The following TTC32 variants were observed in gnomAD, a reference collection of about 807,000 sequenced individuals.
TTC32 encodes the protein tetratricopeptide repeat domain 32, also known as tetratricopeptide repeat protein 32.
Under a neutral mutation model 15.3 loss-of-function variants are expected in TTC32, and 16 were observed. The ratio of observed to expected loss-of-function variants is 1.05; its 90% CI spans 0.71 to 1.59. TTC32 has a LOEUF of 1.59. Among genes scored for constraint, TTC32 ranks in the 40% most tolerant of loss-of-function variants. The pLI is 0.00. For missense variants in TTC32, 188 were observed against 181.9 expected (o/e 1.03, Z -0.19); for synonymous variants, 89 against 67.8 (o/e 1.31, Z -1.53).
chr2:19,901,712 G>C lies in TTC32; in HGVS notation c.143C>G (p.Pro48Arg). The change falls in exon 1 of 3, where the codon CCC becomes CGC. Residue 48 changes from proline to arginine, a missense_variant. Pro to Arg is a moderately radical substitution (Grantham distance 103). Coordinates refer to ENST00000333610, the MANE Select transcript of TTC32 (RefSeq NM_001008237.3). Reference sequence around the variant, plus strand: ...CAGGTCTCGCGATAGTTACCTCCCGGGACTCTCGTCGCTGGAGGCCGCGCA... The same window carrying C: ...CAGGTCTCGCGATAGTTACCTCCCGCGACTCTCGTCGCTGGAGGCCGCGCA... ...CACAASSDES[P>R]GSKCSPEDLA... 6.2e-7 allele frequency: 1 copy of C among 1,611,950 alleles called. No individual in the cohort carries two copies. Among genetic ancestry groups the C allele is most frequent in the Non-Finnish European group, 8.5e-7 (1 of 1,178,406 alleles).
intron 1 of TTC32, among the ~76,000 whole-genome samples, chr2:19,900,540 G>A (rs2103367799): frequency 6.6e-6 from 1 of 152,304 alleles, no homozygotes; most frequent in South Asian, 2.1e-4. Context: ...TCAAAAAGCT[G>A]TTCAACCAAC....
intron 1 of TTC32, among the ~76,000 whole-genome samples, chr2:19,899,698 T>G (rs1041783913): frequency 6.7e-6 from 1 of 150,366 alleles, no homozygotes; most frequent in Non-Finnish European, 1.5e-5. Flanking sequence ...ATATAAAGTG[T>G]GTGTATATAT....
At chr2:19,897,847 C>A (rs1220896133) in intron 2 of TTC32, 22 bp downstream of exon 2, 2 of 1,465,210 alleles carry the variant, frequency 1.4e-6, no homozygotes, top group Middle Eastern at 1.9e-4. Flanking sequence ...TGACAAAACT[C>A]AAAAAGAAAA....
Position 19,901,924 on chromosome 2 carries a change from A to T in TTC32, c.-70T>A. On this transcript the variant is annotated 5_prime_UTR_variant, in exon 1 of 3. Coordinates refer to ENST00000333610, the MANE Select transcript of TTC32 (RefSeq NM_001008237.3). ...CGAGCGGTTAGAGGTGGCACCACAA[A>T]GCCACTTCCACACCCTGGAATCTAC... The T allele has an allele frequency of 6.3e-7, 1 of 1,581,202 alleles. No homozygotes were observed. Among genetic ancestry groups the T allele is most frequent in the Non-Finnish European group, 8.6e-7 (1 of 1,157,210 alleles).
At chr2:19,899,402 TTGTTA>T (rs1669564571) in intron 1 of TTC32, among the ~76,000 whole-genome samples, 1 of 152,162 alleles carries the variant, frequency 6.6e-6, no homozygotes, top group South Asian at 2.1e-4. Context: ...TTCAAAATTA[TTGTTA>T]TAAGTTTTTA....
intron 1 of TTC32, among the ~76,000 whole-genome samples, chr2:19,900,783 A>G (rs568459518): frequency 2.0e-5 from 3 of 152,374 alleles, no homozygotes; most frequent in Admixed American, 2.0e-4. Flanking sequence ...TTGCCATGAT[A>G]TTGAATCTGA....
chr2:19,901,582 C>CT, intron 1 of TTC32, 124 bp downstream of exon 1: 1 of 1,306,796 alleles, frequency 7.7e-7, no homozygotes, highest in South Asian at 1.5e-5. Flanking sequence ...TCCGCCCGCT[C>CT]AGTCCTAGTG....
At chr2:19,899,000 A>C (rs1227965253) in intron 1 of TTC32, among the ~76,000 whole-genome samples, 1 of 152,262 alleles carries the variant, frequency 6.6e-6, no homozygotes, top group African/African-American at 2.4e-5. Flanking sequence ...TAAAAAGTAT[A>C]GTCCTCCGAA....
Position 19,901,698 on chromosome 2 carries a change from A to G in TTC32, c.149+8T>C. The G allele has an allele frequency of 1.2e-6, 2 of 1,607,812 alleles. No homozygotes were observed. Among genetic ancestry groups the G allele is most frequent in the Non-Finnish European group, 1.7e-6 (2 of 1,175,424 alleles). ...GGTCGCCGCGGCCCCAGGTCTCGCGATAGTTACCTCCCGGGACTCTCGTCG... is the reference window on the plus strand; with the variant it reads ...GGTCGCCGCGGCCCCAGGTCTCGCGGTAGTTACCTCCCGGGACTCTCGTCG... On this transcript the variant is annotated splice_region_variant and intron_variant, in intron 1 of 2. Transcript: ENST00000333610.
intron 1 of TTC32, 176 bp downstream of exon 1, chr2:19,901,530 C>G (rs1669603638): frequency 1.2e-6 from 1 of 815,778 alleles, no homozygotes. Context: ...CTCCGCCGCC[C>G]TCGTCCTAGG....
intron 1 of TTC32, chr2:19,898,283 G>A (rs1248518071): frequency 2.9e-6 from 1 of 346,484 alleles, no homozygotes; most frequent in Non-Finnish European, 5.2e-6. Context: ...TTTACAGTGT[G>A]TTCACTGCCA....
intron 1 of TTC32, 107 bp from the exon 2 acceptor site, chr2:19,898,142 G>T: frequency 1.0e-6 from 1 of 995,764 alleles, no homozygotes; most frequent in Non-Finnish European, 1.4e-6. Context: ...ATAACATGCA[G>T]CATCAACACT....
At chr2:19,901,682 G>A (rs765161341) in intron 1 of TTC32, 24 bp downstream of exon 1, 1 of 1,601,392 alleles carries the variant, frequency 6.2e-7, no homozygotes, top group African/African-American at 1.3e-5. Context: ...GGGTCGCCGC[G>A]GCCCCAGGTC....
At position 19,901,772 on chromosome 2, in the gene TTC32, T is replaced by G. The variant is rs774444750; in HGVS notation, c.83A>C (p.Glu28Ala). The change falls in exon 1 of 3, where the codon GAG (glutamate) becomes GCG (alanine). Residue 28 changes from glutamate to alanine, a missense_variant. Glu to Ala is a moderately radical substitution (Grantham distance 107). Coordinates refer to ENST00000333610, the MANE Select transcript of TTC32 (RefSeq NM_001008237.3). The part of the protein sequence containing the change: ...HFNNGEYAEA[E>A]ALYSAYIRRC... Reference sequence around the variant, plus strand: ...GCGAATGTAAGCGGAGTACAGTGCCTCGGCCTCCGCGTACTCTCCATTGTT... The same window carrying G: ...GCGAATGTAAGCGGAGTACAGTGCCGCGGCCTCCGCGTACTCTCCATTGTT... The G allele has an allele frequency of 6.2e-7, 1 of 1,614,190 alleles. No individual in the cohort carries two copies.
chr2:19,896,971 C>T lies in TTC32; in HGVS notation c.*16G>A. On this transcript the variant is annotated 3_prime_UTR_variant, in exon 3 of 3. Transcript: ENST00000333610. Reference sequence around the variant, plus strand: ...TGTAAGGATCATGAATCAATACTTCCATTAAGTTAAAAATATCAATAATTT... The same window carrying T: ...TGTAAGGATCATGAATCAATACTTCTATTAAGTTAAAAATATCAATAATTT... 1 of 1,553,286 alleles carries T rather than the reference C, an allele frequency of 6.4e-7. No homozygotes were observed. Among genetic ancestry groups the T allele is most frequent in the Non-Finnish European group, 8.8e-7 (1 of 1,140,978 alleles).
chr2:19,900,951 G>A (rs1669591229), intron 1 of TTC32: 2 of 366,360 alleles, frequency 5.5e-6, no homozygotes, highest in Non-Finnish European at 1.2e-5. Flanking sequence ...AGAGGGGAAG[G>A]TGGAGAAGAG....
In TTC32 at chr2:19,901,711, G is replaced by A. The variant is rs1669609020; in HGVS notation, c.144C>T (p.Pro48=). The change falls in exon 1 of 3, where the codon CCC becomes CCT. Residue 48 remains proline (P), a synonymous_variant. Coordinates refer to ENST00000333610, the MANE Select transcript of TTC32 (RefSeq NM_001008237.3). ...CACAASSDES[P]GSKCSPEDLA... ...CCAGGTCTCGCGATAGTTACCTCCCGGGACTCTCGTCGCTGGAGGCCGCGC... is the reference window on the plus strand; with the variant it reads ...CCAGGTCTCGCGATAGTTACCTCCCAGGACTCTCGTCGCTGGAGGCCGCGC... 3.1e-6 allele frequency: 5 copies of A among 1,611,652 alleles called. No individual in the cohort carries two copies. The highest frequency in any genetic ancestry group is 2.7e-5 in the African/African-American group (2 of 74,906).
chr2:19,899,903 G>T (rs989658530), intron 1 of TTC32, among the ~76,000 whole-genome samples: 3 of 152,126 alleles, frequency 2.0e-5, no homozygotes, highest in Non-Finnish European at 4.4e-5. Context: ...AGCTCCAAAA[G>T]ATAAATTGAA....
chr2:19,900,608 C>A (rs967304736), intron 1 of TTC32, among the ~76,000 whole-genome samples: 2 of 152,160 alleles, frequency 1.3e-5, no homozygotes, highest in African/African-American at 4.8e-5. Context: ...CCAGTCGAGG[C>A]AAGACTTGGA....
Sources: allele counts gnomAD v4.1 joint callset (sites outside exome capture counted in the v4.1 genomes callset), GRCh38; gene constraint gnomAD v4.1.1; transcripts MANE v1.5; gene names NCBI Gene and HGNC (gene_info 2026-07-23, HGNC 2026-07-21).